ETV5: variants seen among roughly 807,000 people sequenced by gnomAD.
The protein encoded by ETV5 is ETS translocation variant 5.
Under a neutral mutation model 70.0 loss-of-function variants are expected in ETV5, and 10 were observed. That is an observed-to-expected ratio of 0.14 (90% CI 0.09 to 0.24). ETV5 has a LOEUF of 0.24. ETV5 is among the 10% of genes least tolerant of loss of function. ETV5 has a pLI of 1.00. For synonymous variants in ETV5, 216 were observed against 242.2 expected (o/e 0.89, Z 1.01); for missense variants, 453 against 651.2 (o/e 0.70, Z 3.31).
In ETV5 at chr3:186,055,117, C is replaced by T. The variant is rs1473135537; in HGVS notation, c.1209+1958G>A. On this transcript the variant is annotated intron_variant, in intron 11 of 12. Coordinates refer to ENST00000306376, the MANE Select transcript of ETV5 (RefSeq NM_004454.3). Reference sequence around the variant, plus strand: ...GCCATCTGTTCATCATTCTCTATGCCACTGGTAGGAGTGCAGAAGATTCAA... The same window carrying T: ...GCCATCTGTTCATCATTCTCTATGCTACTGGTAGGAGTGCAGAAGATTCAA... 2.0e-5 allele frequency among the ~76,000 whole-genome samples: 3 copies of T among 152,262 alleles called. No homozygotes were observed. The East Asian group carries it at 5.8e-4, about 29-fold the overall frequency.
chr3:186,078,092 G>A (rs981173698), intron 7 of ETV5: 2 of 1,052,162 alleles, frequency 1.9e-6, no homozygotes, highest in Non-Finnish European at 1.1e-6. Context: ...GGGGCTGGGT[G>A]GACTGGAGAC....
intron 5 of ETV5, among the ~76,000 whole-genome samples, chr3:186,094,516 T>G (rs530789436): frequency 6.6e-6 from 1 of 152,358 alleles, no homozygotes; most frequent in South Asian, 2.1e-4. Flanking sequence ...TTCAGCATTT[T>G]TCTTGAAACA....
intron 5 of ETV5, among the ~76,000 whole-genome samples, chr3:186,090,179 G>A (rs1398459617): frequency 2.0e-5 from 3 of 152,140 alleles, no homozygotes; most frequent in East Asian, 1.9e-4. Context: ...AAAACCATAC[G>A]TCGACAAATG....
At chr3:186,069,600 T>C (rs1713549893) in intron 7 of ETV5, among the ~76,000 whole-genome samples, 1 of 151,508 alleles carries the variant, frequency 6.6e-6, no homozygotes, top group Non-Finnish European at 1.5e-5. Flanking sequence ...AGTGACTCGA[T>C]CTCAGCTCAC....
intron 6 of ETV5, chr3:186,080,420 A>T (rs1159853769): frequency 4.1e-6 from 1 of 245,856 alleles, no homozygotes; most frequent in African/African-American, 2.2e-5. Context: ...GTGAGGGGAG[A>T]ATGTATGTTT....
chr3:186,070,510 A>G (rs1713606637), intron 7 of ETV5, among the ~76,000 whole-genome samples: 1 of 152,224 alleles, frequency 6.6e-6, no homozygotes, highest in Admixed American at 6.5e-5. Flanking sequence ...TGCAGAACAG[A>G]TTCTATAATT....
chr3:186,108,371 G>C (rs561860044), intron 1 of ETV5: 1 of 594,060 alleles, frequency 1.7e-6, no homozygotes, highest in Non-Finnish European at 2.8e-6. Context: ...GGAGCAGGGC[G>C]ACTGGATGTC....
chr3:186,104,157 CCT>C (rs1714532413), intron 5 of ETV5, among the ~76,000 whole-genome samples: 1 of 152,190 alleles, frequency 6.6e-6, no homozygotes. Flanking sequence ...TTTCTCCAGG[CCT>C]CTCTTAAACC....
At chr3:186,053,097 C>T (rs1007794312) in intron 11 of ETV5, among the ~76,000 whole-genome samples, 9 of 151,850 alleles carry the variant, frequency 5.9e-5, no homozygotes, top group African/African-American at 1.7e-4. Context: ...TATATTCCTT[C>T]GATTATTTTA....
At position 186,057,214 on chromosome 3, in the gene ETV5, C is replaced by T. The variant is rs1203443297; in HGVS notation, c.1070G>A (p.Arg357Gln). 5.0e-6 allele frequency: 8 copies of T among 1,614,108 alleles called. No individual in the cohort carries two copies. Among genetic ancestry groups the T allele is most frequent in the Non-Finnish European group, 5.9e-6 (7 of 1,180,018 alleles). Reference protein sequence around the residue: ...GKVKQEPTMYREGPPYQRRGS... With the variant: ...GKVKQEPTMYQEGPPYQRRGS... ...TCGCCTCTGGTAAGGGGGCCCCTCT[C>T]GATACATGGTAGGCTCCTGTTTGAC... Residue 357 changes from arginine (R) to glutamine (Q), a missense_variant, in exon 11 of 13, where the codon CGA becomes CAA. Physicochemically the swap from Arg to Gln is conservative, Grantham distance 43. This residue lies in a region of ETV5 where 25 missense variants were observed against 114.3 expected (regional missense o/e 0.22). Coordinates refer to ENST00000306376, the MANE Select transcript of ETV5 (RefSeq NM_004454.3). The surrounding 1 kb of genome is among the most constrained non-coding windows in gnomAD (Gnocchi z 4.9).
chr3:186,067,560 C>T (rs138405847), intron 7 of ETV5, among the ~76,000 whole-genome samples: 2,796 of 151,380 alleles, frequency 0.018, 86 homozygotes, highest in African/African-American at 0.065. Context: ...TGCAGTGAGC[C>T]GAGATTGCGC....
At chr3:186,091,306 G>A (rs1714177521) in intron 5 of ETV5, among the ~76,000 whole-genome samples, 1 of 152,230 alleles carries the variant, frequency 6.6e-6, no homozygotes, top group Admixed American at 6.5e-5. Context: ...AATCATGGTG[G>A]TGGAAGGGAG....
At chr3:186,061,143 C>T (rs546776170) in intron 9 of ETV5, among the ~76,000 whole-genome samples, 1 of 152,340 alleles carries the variant, frequency 6.6e-6, no homozygotes, top group East Asian at 1.9e-4. Flanking sequence ...ATAAAAGCCA[C>T]CCAATGCTTC....
intron 1 of ETV5, among the ~76,000 whole-genome samples, chr3:186,107,793 A>T (rs1475233953): frequency 6.6e-6 from 1 of 151,972 alleles, no homozygotes; most frequent in Non-Finnish European, 1.5e-5. Context: ...CGGCCGCCAC[A>T]TCAGGTAGAG....
At chr3:186,108,445 G>A (rs1238323255) in intron 1 of ETV5, 3 of 1,163,350 alleles carry the variant, frequency 2.6e-6, no homozygotes, top group African/African-American at 3.2e-5. Flanking sequence ...CGCCCCCGCA[G>A]GCTGCACTTG....
chr3:186,105,262 A>G lies in ETV5; in HGVS notation c.232+43T>C, dbSNP rs1247951582. 5.1e-6 allele frequency: 8 copies of G among 1,579,470 alleles called. No individual in the cohort carries two copies. The African/African-American group carries it at 9.5e-5, about 19-fold the overall frequency. ...TCTAGACATGGATGATCTAAGACCA[A>G]ACAATTTCAGAACAAATGTGCCATC... On this transcript the variant is annotated intron_variant, in intron 5 of 12. Transcript: ENST00000306376. The surrounding 1 kb of genome is among the most constrained non-coding windows in gnomAD (Gnocchi z 4.5).
At chr3:186,082,012 T>G (rs1432638088) in intron 5 of ETV5, among the ~76,000 whole-genome samples, 1 of 152,156 alleles carries the variant, frequency 6.6e-6, no homozygotes, top group East Asian at 1.9e-4. Flanking sequence ...GAGGGCAGAG[T>G]AACAAGAATT....
rs1387840975 is a variant in ETV5, at chr3:186,046,458, C to A, written c.*2181G>T. 8.7e-6 allele frequency: 2 copies of A among 231,048 alleles called. No homozygotes were observed. Among genetic ancestry groups the A allele is most frequent in the Admixed American group, 5.6e-5 (1 of 17,700 alleles). 14.3% of individuals were successfully genotyped at this position (231,048 alleles called of 1,614,324 possible). On this transcript the variant is annotated 3_prime_UTR_variant, in exon 13 of 13. Coordinates refer to ENST00000306376, the MANE Select transcript of ETV5 (RefSeq NM_004454.3). The stretch of plus-strand genomic sequence containing the variant: ...GCCTTTCTGCACTGTAGACTTTCCA[C>A]ACTCTGGAAAAGAAGCAAACAAACA...
At chr3:186,083,141 A>G (rs1159641707) in intron 5 of ETV5, among the ~76,000 whole-genome samples, 1 of 152,228 alleles carries the variant, frequency 6.6e-6, no homozygotes, top group Non-Finnish European at 1.5e-5. Context: ...TTTGACACAG[A>G]AATCCCTTCC....
Sources: gnomAD v4.1 joint callset for allele counts (sites outside exome capture counted in the v4.1 genomes callset) on GRCh38, gnomAD v4.1.1 for gene constraint, gnomAD v4.1.1 regional missense constraint, Gnocchi (gnomAD v3.1) non-coding constraint, MANE v1.5 for transcripts, NCBI Gene and HGNC (gene_info 2026-07-23, HGNC 2026-07-21) for gene names.